The following PCDHGB2 variants were observed in gnomAD, a reference collection of about 807,000 sequenced individuals.
PCDHGB2 encodes the protein protocadherin gamma subfamily B, 2.
A neutral mutation model predicts 59.3 loss-of-function variants in PCDHGB2; 55 were observed. The observed-to-expected ratio is 0.93, with a 90% CI of 0.75 to 1.16. The LOEUF is 1.16. Among genes scored for constraint, PCDHGB2 ranks in the 50% most tolerant of loss-of-function variants. The probability of loss-of-function intolerance (pLI) is 0.00; values close to 1 mark genes in which losing one functional copy is unlikely to be tolerated. For missense variants in PCDHGB2, 1,228 were observed against 1,198.5 expected (o/e 1.02, Z -0.36); for synonymous variants, 516 against 512.0 (o/e 1.01, Z -0.11).
At chr5:141,390,047 C>T in intron 1 of PCDHGB2, 1 of 1,614,074 alleles carries the variant, frequency 6.2e-7, no homozygotes, top group Non-Finnish European at 8.5e-7. Flanking sequence ...GCCCCGCCTC[C>T]TGGAGCTGCT....
chr5:141,495,122 C>T (rs1365586518), intron 2 of PCDHGB2, among the ~76,000 whole-genome samples: 2 of 152,282 alleles, frequency 1.3e-5, no homozygotes, highest in East Asian at 3.9e-4. Flanking sequence ...TTCCTATCCC[C>T]TGAGGGCACT....
chr5:141,393,578 G>A (rs748225192), intron 1 of PCDHGB2: 2 of 1,613,812 alleles, frequency 1.2e-6, no homozygotes, highest in South Asian at 1.1e-5. Context: ...TTGAGAACAT[G>A]CCCCCAGGCA....
chr5:141,403,405 T>A, intron 1 of PCDHGB2: 4 of 1,614,060 alleles, frequency 2.5e-6, no homozygotes, highest in Non-Finnish European at 3.4e-6. Flanking sequence ...CTGGAGCACG[T>A]TATCCACTTC....
chr5:141,364,683 G>C, intron 1 of PCDHGB2: 1 of 1,613,976 alleles, frequency 6.2e-7, no homozygotes, highest in Non-Finnish European at 8.5e-7. Flanking sequence ...AAAATTTATG[G>C]AGTAGAAGTA....
At chr5:141,499,399 C>A (rs2099791676) in intron 2 of PCDHGB2, among the ~76,000 whole-genome samples, 1 of 152,072 alleles carries the variant, frequency 6.6e-6, no homozygotes, top group Non-Finnish European at 1.5e-5. Flanking sequence ...ATAGTACATG[C>A]TCATTATAGA....
chr5:141,371,469 G>T, intron 1 of PCDHGB2: 1 of 1,613,990 alleles, frequency 6.2e-7, no homozygotes, highest in Non-Finnish European at 8.5e-7. Flanking sequence ...TATACAAGAA[G>T]ATGCTGAGCT....
At chr5:141,499,021 GAAGGAAGA>G (rs1193940810) in intron 2 of PCDHGB2, among the ~76,000 whole-genome samples, 2 of 140,162 alleles carry the variant, frequency 1.4e-5, no homozygotes, top group East Asian at 2.1e-4. Flanking sequence ...AGGAAGGAAG[GAAGGAAGA>G]AAAGAAAGAA....
Position 141,447,603 on chromosome 5 carries a change from T to G in PCDHGB2, c.2422-47204T>G, listed in dbSNP as rs146950525. On this transcript the variant is annotated intron_variant, in intron 1 of 3. Transcript: ENST00000522605. ...ATACCTTAAACATCCTATAGAGTCC[T>G]TAGCATTTTAAAGTTGAAACCAACA... Among the ~76,000 whole-genome samples, 378 of 152,270 alleles carry G rather than the reference T, an allele frequency of 2.5e-3. 1 individual carries two copies. Among genetic ancestry groups the G allele is most frequent in the Non-Finnish European group, 4.5e-3 (309 of 68,030 alleles).
At chr5:141,392,247 T>C (rs1228504452) in intron 1 of PCDHGB2, 1 of 152,196 alleles carries the variant, frequency 6.6e-6, no homozygotes, top group Non-Finnish European at 1.5e-5. Context: ...TATTTGTTAG[T>C]ATATATTGGA....
At position 141,491,692 on chromosome 5, in the gene PCDHGB2, C is replaced by A. The variant is rs749349869; in HGVS notation, c.2422-3115C>A. The A allele has an allele frequency of 6.2e-7, 1 of 1,612,592 alleles. No homozygotes were observed. Among genetic ancestry groups the A allele is most frequent in the Non-Finnish European group, 8.5e-7 (1 of 1,179,338 alleles). On this transcript the variant is annotated intron_variant, in intron 1 of 3. Coordinates refer to ENST00000522605, the MANE Select transcript of PCDHGB2 (RefSeq NM_018923.3). This position sits in a 1 kb window ranked among gnomAD's most constrained non-coding sequence, Gnocchi z 6.9. ...GTCCCGCTCTAATACGCTGCGGGAG[C>A]GGAGCCAGGTGAGGGGCTCGGCGCC...
chr5:141,487,593 C>G lies in PCDHGB2; in HGVS notation c.2422-7214C>G. The G allele has an allele frequency of 6.2e-7, 1 of 1,614,206 alleles. No homozygotes were observed. Among genetic ancestry groups the G allele is most frequent in the African/African-American group, 1.3e-5 (1 of 75,062 alleles). On this transcript the variant is annotated intron_variant, in intron 1 of 3. Coordinates refer to ENST00000522605, the MANE Select transcript of PCDHGB2 (RefSeq NM_018923.3). This position sits in a 1 kb window ranked among gnomAD's most constrained non-coding sequence, Gnocchi z 5.0. ...CCTGTTCGCCCAAGCTGCCCACCCT[C>G]TGATCTTCTCTATGGGCTAGAGGTG...
intron 1 of PCDHGB2, chr5:141,365,449 T>A: frequency 1.2e-6 from 2 of 1,614,052 alleles, no homozygotes; most frequent in Non-Finnish European, 1.7e-6. Context: ...GCGTACATGA[T>A]GGTGATTCTG....
chr5:141,463,747 G>A (rs994400482), intron 1 of PCDHGB2, among the ~76,000 whole-genome samples: 13 of 152,082 alleles, frequency 8.5e-5, no homozygotes, highest in Middle Eastern at 3.4e-3. Context: ...CGCCCGGCCT[G>A]CTTCTCTTCT....
intron 3 of PCDHGB2, among the ~76,000 whole-genome samples, chr5:141,506,879 G>T (rs958969109): frequency 6.6e-6 from 1 of 152,172 alleles, no homozygotes; most frequent in Non-Finnish European, 1.5e-5. Flanking sequence ...AGAACCAGGT[G>T]AAATCACAAG....
At chr5:141,501,330 CACA>C (rs1301023208) in intron 2 of PCDHGB2, among the ~76,000 whole-genome samples, 82 of 151,502 alleles carry the variant, frequency 5.4e-4, no homozygotes, top group Admixed American at 2.2e-3. Flanking sequence ...CACACACACA[CACA>C]CCCCAAACTC....
intron 1 of PCDHGB2, among the ~76,000 whole-genome samples, chr5:141,402,680 TATA>T (rs1441272447): frequency 2.4e-4 from 36 of 152,348 alleles, no homozygotes; most frequent in African/African-American, 7.9e-4. Context: ...AGCCATCTGA[TATA>T]ATGTTACACA....
chr5:141,375,581 C>T, intron 1 of PCDHGB2: 1 of 1,614,174 alleles, frequency 6.2e-7, no homozygotes, highest in Non-Finnish European at 8.5e-7. Context: ...CCAGGGGGCG[C>T]CCCTGTCCTC....
chr5:141,485,152 A>T lies in PCDHGB2; in HGVS notation c.2422-9655A>T. 1.3e-6 allele frequency: 2 copies of T among 1,586,090 alleles called. No homozygotes were observed. Among genetic ancestry groups the T allele is most frequent in the Non-Finnish European group, 8.6e-7 (1 of 1,157,176 alleles). ...CTTCATCCGCGTCTCAGGAGCAAGT[A>T]GAGAATTAGCGGGCGGCAGCAATGC... On this transcript the variant is annotated intron_variant, in intron 1 of 3. Coordinates refer to ENST00000522605, the MANE Select transcript of PCDHGB2 (RefSeq NM_018923.3). This position sits in a 1 kb window ranked among gnomAD's most constrained non-coding sequence, Gnocchi z 5.7.
chr5:141,468,131 C>G (rs1006565854), intron 1 of PCDHGB2, among the ~76,000 whole-genome samples: 1 of 151,766 alleles, frequency 6.6e-6, no homozygotes, highest in African/African-American at 2.4e-5. Flanking sequence ...TTGAGACCAG[C>G]CTGGCCAACA....
Sources: gnomAD v4.1 joint callset for allele counts (sites outside exome capture counted in the v4.1 genomes callset) on GRCh38, gnomAD v4.1.1 for gene constraint, Gnocchi (gnomAD v3.1) non-coding constraint, MANE v1.5 for transcripts, NCBI Gene and HGNC (gene_info 2026-07-23, HGNC 2026-07-21) for gene names.